PTPRN2: variants seen among roughly 807,000 people sequenced by gnomAD.
PTPRN2 encodes receptor-type tyrosine-protein phosphatase N2.
PTPRN2 carries 74 observed loss-of-function variants against 118.8 expected under a neutral mutation model. That is an observed-to-expected ratio of 0.62 (90% CI 0.52 to 0.76). The LOEUF is 0.76. Among genes scored for constraint, PTPRN2 ranks in the 30% least tolerant of loss-of-function variants. The pLI, the probability that PTPRN2 is intolerant of heterozygous loss-of-function variation, is 0.00. For synonymous variants in PTPRN2, 641 were observed against 608.0 expected (o/e 1.05, Z -0.80); for missense variants, 1,481 against 1,394.4 (o/e 1.06, Z -0.99).
intron 12 of PTPRN2, among the ~76,000 whole-genome samples, chr7:157,686,609 A>C (rs1452292566): frequency 6.6e-6 from 1 of 152,236 alleles, no homozygotes; most frequent in Non-Finnish European, 1.5e-5. Context: ...GCCCAGACTA[A>C]TTAGAGGCAT....
At chr7:158,346,059 T>G (rs760391082) in intron 2 of PTPRN2, among the ~76,000 whole-genome samples, 8 of 152,220 alleles carry the variant, frequency 5.3e-5, no homozygotes, top group Non-Finnish European at 1.2e-4. Flanking sequence ...ACCATATCAA[T>G]GGGTACAAGG....
chr7:158,258,812 T>C (rs1797199168), intron 3 of PTPRN2, among the ~76,000 whole-genome samples: 3 of 152,306 alleles, frequency 2.0e-5, no homozygotes, highest in African/African-American at 7.2e-5. Context: ...GGAGGAACAT[T>C]TGGGGATCTG....
intron 17 of PTPRN2, among the ~76,000 whole-genome samples, chr7:157,579,680 G>A (rs1042860589): frequency 5.9e-5 from 9 of 152,210 alleles, no homozygotes; most frequent in Admixed American, 2.0e-4. Context: ...ATTATGGGGC[G>A]CCTTCCCGGC....
At chr7:158,262,913 CTGCACACACAT>C (rs1434974733) in intron 3 of PTPRN2, among the ~76,000 whole-genome samples, 1 of 149,262 alleles carries the variant, frequency 6.7e-6, no homozygotes, top group African/African-American at 2.5e-5. Flanking sequence ...AACATTCACA[CTGCACACACAT>C]TCACACACTG....
At chr7:158,408,169 T>G (rs900981558) in intron 2 of PTPRN2, among the ~76,000 whole-genome samples, 3 of 152,204 alleles carry the variant, frequency 2.0e-5, no homozygotes, top group African/African-American at 7.2e-5. Context: ...ACACACGAGA[T>G]CCTGTGATCT....
intron 3 of PTPRN2, among the ~76,000 whole-genome samples, chr7:158,304,967 T>G (rs149787950): frequency 6.6e-6 from 1 of 152,328 alleles, no homozygotes; most frequent in East Asian, 1.9e-4. Flanking sequence ...CAGAAATATA[T>G]TTTGGGGTAA....
At chr7:158,391,442 G>A (rs148483812) in intron 2 of PTPRN2, among the ~76,000 whole-genome samples, 114 of 152,334 alleles carry the variant, frequency 7.5e-4, no homozygotes, top group African/African-American at 2.6e-3. Context: ...GCAGAGGCCC[G>A]TCGGGAAAGA....
intron 2 of PTPRN2, among the ~76,000 whole-genome samples, chr7:158,469,997 G>A (rs999607922): frequency 2.9e-4 from 43 of 147,938 alleles, no homozygotes; most frequent in African/African-American, 1.1e-3. Flanking sequence ...ATTTGTCCTA[G>A]TGCCTCATAA....
chr7:158,443,678 G>T, intron 2 of PTPRN2, among the ~76,000 whole-genome samples: 1 of 152,222 alleles, frequency 6.6e-6, no homozygotes, highest in Non-Finnish European at 1.5e-5. Flanking sequence ...TCCCCACCTG[G>T]GCGAGCCACC....
At chr7:158,226,860 T>G (rs1828827278) in intron 3 of PTPRN2, among the ~76,000 whole-genome samples, 1 of 152,104 alleles carries the variant, frequency 6.6e-6, no homozygotes, top group South Asian at 2.1e-4. Flanking sequence ...TGCAACACCC[T>G]AAAACTCTCT....
At chr7:158,497,871 C>T (rs762376669) in intron 1 of PTPRN2, among the ~76,000 whole-genome samples, 6 of 152,246 alleles carry the variant, frequency 3.9e-5, no homozygotes, top group Non-Finnish European at 7.3e-5. Flanking sequence ...GCCTGAGGCT[C>T]ACACTCCTTC....
intron 21 of PTPRN2, among the ~76,000 whole-genome samples, chr7:157,561,833 A>AGGATG (rs1799207389): frequency 6.6e-6 from 1 of 152,252 alleles, no homozygotes; most frequent in African/African-American, 2.4e-5. Flanking sequence ...ATGCAGCAGG[A>AGGATG]GGATGGGGCT....
At chr7:157,971,233 A>G (rs908759869) in intron 11 of PTPRN2, among the ~76,000 whole-genome samples, 1 of 152,218 alleles carries the variant, frequency 6.6e-6, no homozygotes, top group Non-Finnish European at 1.5e-5. Flanking sequence ...TGGAATGAAT[A>G]AATGCATTTT....
At chr7:157,744,196 C>T (rs1181861754) in intron 12 of PTPRN2, among the ~76,000 whole-genome samples, 2 of 152,082 alleles carry the variant, frequency 1.3e-5, no homozygotes, top group Non-Finnish European at 2.9e-5. Context: ...AACAAGCGGG[C>T]GCGAGGTGGT....
At chr7:158,113,143 G>A (rs950563614) in intron 9 of PTPRN2, among the ~76,000 whole-genome samples, 3 of 152,128 alleles carry the variant, frequency 2.0e-5, no homozygotes, top group African/African-American at 7.2e-5. Context: ...AGAATTCCAA[G>A]AAGGAGAAGG....
In PTPRN2 at chr7:157,800,122, C is replaced by T. The variant is rs192978370; in HGVS notation, c.1788+98551G>A. On this transcript the variant is annotated intron_variant, in intron 12 of 22. Coordinates refer to ENST00000389418, the MANE Select transcript of PTPRN2 (RefSeq NM_002847.5). Reference sequence around the variant, plus strand: ...CTGAGGCACCACAGGCGGCCTCCTCCATCCCTCAGAGGCACCACAGGCGGC... The same window carrying T: ...CTGAGGCACCACAGGCGGCCTCCTCTATCCCTCAGAGGCACCACAGGCGGC... Among the ~76,000 whole-genome samples, 349 of 149,282 alleles carry T rather than the reference C, an allele frequency of 2.3e-3. 1 individual carries two copies. Among genetic ancestry groups the T allele is most frequent in the African/African-American group, 7.9e-3 (319 of 40,440 alleles).
At chr7:157,766,422 C>G (rs544609115) in intron 12 of PTPRN2, among the ~76,000 whole-genome samples, 2 of 152,064 alleles carry the variant, frequency 1.3e-5, no homozygotes, top group South Asian at 2.1e-4. Flanking sequence ...ACCAAACCAT[C>G]CATCCATCCA....
chr7:158,578,754 CTT>C (rs1007986775), intron 1 of PTPRN2, among the ~76,000 whole-genome samples: 1 of 146,528 alleles, frequency 6.8e-6, no homozygotes. Context: ...TACTTCTTCT[CTT>C]TTTTTTTTTG....
chr7:157,844,019 G>T (rs547412030), intron 12 of PTPRN2, among the ~76,000 whole-genome samples: 1 of 152,328 alleles, frequency 6.6e-6, no homozygotes, highest in Admixed American at 6.5e-5. Flanking sequence ...CCCCTGCACG[G>T]AGGAGGGGGC....
Sources: gnomAD v4.1 joint callset for allele counts (sites outside exome capture counted in the v4.1 genomes callset) on GRCh38, gnomAD v4.1.1 for gene constraint, MANE v1.5 for transcripts, NCBI Gene and HGNC (gene_info 2026-07-23, HGNC 2026-07-21) for gene names.